Variants in SGCD observed in about 807,000 individuals in gnomAD.
SGCD encodes sarcoglycan delta, also known as delta-sarcoglycan.
Under a neutral mutation model 36.6 loss-of-function variants are expected in SGCD, and 18 were observed. That is an observed-to-expected ratio of 0.49 (90% CI 0.34 to 0.73). The LOEUF is 0.73. SGCD is among the 30% of genes least tolerant of loss of function. SGCD has a pLI of 0.01. For synonymous variants in SGCD, 133 were observed against 130.6 expected, an observed-to-expected ratio of 1.02 and a Z score of -0.12; for missense variants, 387 against 346.7, an observed-to-expected ratio of 1.12 and a Z score of -0.92.
chr5:156,074,995 A>G (rs974185388), intron 1 of SGCD, among the ~76,000 whole-genome samples: 1 of 152,238 alleles, frequency 6.6e-6, no homozygotes, highest in Admixed American at 6.5e-5. Context: ...GAAGTCTATC[A>G]TGAACCTTGG....
intron 2 of SGCD, among the ~76,000 whole-genome samples, chr5:156,118,404 G>A (rs1313350460): frequency 6.6e-6 from 1 of 152,082 alleles, no homozygotes; most frequent in African/African-American, 2.4e-5. Flanking sequence ...GGCAAAGGGG[G>A]GACCTGTATT....
At chr5:155,935,320 G>A (rs908529114) in intron 1 of SGCD, among the ~76,000 whole-genome samples, 4 of 152,022 alleles carry the variant, frequency 2.6e-5, no homozygotes, top group African/African-American at 7.2e-5. Flanking sequence ...TATTCAAAAC[G>A]TATTTGTTGA....
At chr5:156,591,131 A>AAC (rs1760708675) in intron 5 of SGCD, among the ~76,000 whole-genome samples, 1 of 152,144 alleles carries the variant, frequency 6.6e-6, no homozygotes, top group Non-Finnish European at 1.5e-5. Context: ...ATTAATGCAC[A>AAC]CAGTGGAAAA....
At chr5:156,151,284 G>C (rs996546803) in intron 3 of SGCD, among the ~76,000 whole-genome samples, 2 of 151,654 alleles carry the variant, frequency 1.3e-5, no homozygotes, top group Non-Finnish European at 2.9e-5. Flanking sequence ...ACTACTAAAA[G>C]CAATAGTCAG....
chr5:155,948,786 C>A (rs1286314563), intron 1 of SGCD, among the ~76,000 whole-genome samples: 1 of 152,012 alleles, frequency 6.6e-6, no homozygotes, highest in East Asian at 1.9e-4. Context: ...TATCAGTTAC[C>A]CAGTGGGGTG....
chr5:156,616,477 T>C (rs915868434), intron 6 of SGCD, among the ~76,000 whole-genome samples: 3 of 152,198 alleles, frequency 2.0e-5, no homozygotes, highest in Non-Finnish European at 2.9e-5. Context: ...TGTATGAGCA[T>C]AGAAAATCAT....
intron 3 of SGCD, among the ~76,000 whole-genome samples, chr5:156,274,111 A>T (rs1766253599): frequency 6.6e-6 from 1 of 152,154 alleles, no homozygotes; most frequent in Admixed American, 6.6e-5. Flanking sequence ...ACATGAACTC[A>T]GCACTGGGCC....
chr5:156,104,223 A>AATC (rs1339635812), intron 1 of SGCD, among the ~76,000 whole-genome samples: 1 of 152,208 alleles, frequency 6.6e-6, no homozygotes, highest in Non-Finnish European at 1.5e-5. Flanking sequence ...GCTAAATTGT[A>AATC]ATCTTCATAT....
chr5:156,041,111 A>T lies in SGCD; in HGVS notation c.-281-76767A>T, dbSNP rs116796903. 7.6e-3 allele frequency among the ~76,000 whole-genome samples: 1,156 copies of T among 152,326 alleles called. 6 individuals are homozygous for T. The highest frequency in any genetic ancestry group is 0.027 in the African/African-American group (1,105 of 41,580). On this transcript the variant is annotated intron_variant, in intron 1 of 9. Coordinates refer to the SGCD transcript ENST00000517913. ...TCAGCTCAATGTCAGGACTTATAAAAGCATAATCAGATGTGTATCTGGAGG... is the reference window on the plus strand; with the variant it reads ...TCAGCTCAATGTCAGGACTTATAAATGCATAATCAGATGTGTATCTGGAGG...
At chr5:156,102,959 G>A (rs180675175) in intron 1 of SGCD, among the ~76,000 whole-genome samples, 10 of 151,978 alleles carry the variant, frequency 6.6e-5, no homozygotes, top group African/African-American at 2.2e-4. Flanking sequence ...AGGCAAAATC[G>A]TGTTGGATTA....
chr5:156,327,564 G>A (rs762970657), intron 1 of SGCD, among the ~76,000 whole-genome samples: 1 of 152,202 alleles, frequency 6.6e-6, no homozygotes, highest in East Asian at 1.9e-4. Flanking sequence ...TGGAAGGGCC[G>A]TTCACTGGCA....
At chr5:156,226,875 G>A (rs558666422) in intron 3 of SGCD, among the ~76,000 whole-genome samples, 16 of 151,610 alleles carry the variant, frequency 1.1e-4, no homozygotes, top group African/African-American at 3.9e-4. Context: ...TTGTATGTTT[G>A]TTGGCCATTT....
chr5:155,978,034 CA>C (rs1375167410), intron 1 of SGCD, among the ~76,000 whole-genome samples: 1 of 152,008 alleles, frequency 6.6e-6, no homozygotes, highest in African/African-American at 2.4e-5. Flanking sequence ...GCAGAGGTTG[CA>C]GTTAGCTGAG....
At chr5:156,467,681 A>G (rs937688036) in intron 3 of SGCD, among the ~76,000 whole-genome samples, 1 of 152,248 alleles carries the variant, frequency 6.6e-6, no homozygotes, top group African/African-American at 2.4e-5. Context: ...ACTTGCTTAA[A>G]GAGAAAAGAC....
At chr5:155,829,938 C>A in the SGCD span, among the ~76,000 whole-genome samples, 2 of 152,168 alleles carry the variant, frequency 1.3e-5, no homozygotes, top group East Asian at 1.9e-4. Flanking sequence ...GTGCTAAGAT[C>A]TTTAATTAGT....
At chr5:156,372,894 C>A (rs1418194769) in intron 3 of SGCD, among the ~76,000 whole-genome samples, 1 of 151,900 alleles carries the variant, frequency 6.6e-6, no homozygotes, top group Non-Finnish European at 1.5e-5. Context: ...CTTTTATATT[C>A]TCTTCAGGTC....
At chr5:156,185,092 A>C (rs1763702976) in intron 3 of SGCD, among the ~76,000 whole-genome samples, 1 of 152,126 alleles carries the variant, frequency 6.6e-6, no homozygotes, top group Non-Finnish European at 1.5e-5. Context: ...GAGTTATTTG[A>C]ATTCTAAAAA....
intron 1 of SGCD, among the ~76,000 whole-genome samples, chr5:156,050,152 G>A (rs1759878263): frequency 6.8e-6 from 1 of 146,452 alleles, no homozygotes; most frequent in Non-Finnish European, 1.5e-5. Context: ...AATCAGCATC[G>A]CATGCCATAG....
intron 1 of SGCD, among the ~76,000 whole-genome samples, chr5:156,040,264 C>T (rs1759602828): frequency 6.6e-6 from 1 of 152,140 alleles, no homozygotes. Context: ...GTGCTACAGC[C>T]AGAGAAGGAT....
Sources: gnomAD v4.1 joint callset for allele counts (sites outside exome capture counted in the v4.1 genomes callset) on GRCh38, gnomAD v4.1.1 for gene constraint, MANE v1.5 for transcripts, NCBI Gene and HGNC (gene_info 2026-07-23, HGNC 2026-07-21) for gene names.